YIPF1: variants seen among roughly 807,000 people sequenced by gnomAD.
The protein encoded by YIPF1 is Yip1 domain family member 1.
YIPF1 carries 22 observed loss-of-function variants against 37.0 expected under a neutral mutation model. That is an observed-to-expected ratio of 0.59 (90% confidence interval 0.42 to 0.85). The LOEUF is 0.85. Among genes scored for constraint, YIPF1 ranks in the 40% least tolerant of loss-of-function variants. The pLI is 0.00. For synonymous variants in YIPF1, 128 were observed against 131.9 expected (o/e 0.97, Z 0.21); for missense variants, 355 against 373.1 (o/e 0.95, Z 0.40).
intron 3 of YIPF1, among the ~76,000 whole-genome samples, chr1:53,885,328 A>G (rs1351162270): frequency 6.6e-6 from 1 of 152,234 alleles, no homozygotes; most frequent in Non-Finnish European, 1.5e-5. Flanking sequence ...AAAAAGCAGT[A>G]GTTAAAATAA....
intron 3 of YIPF1, among the ~76,000 whole-genome samples, chr1:53,883,582 T>C (rs1214098052): frequency 6.6e-6 from 1 of 152,196 alleles, no homozygotes; most frequent in Non-Finnish European, 1.5e-5. Context: ...TTCATCTGTA[T>C]CATGGGGAGA....
chr1:53,889,142 T>C, intron 2 of YIPF1, 102 bp downstream of exon 2: 1 of 462,310 alleles, frequency 2.2e-6, no homozygotes, highest in Non-Finnish European at 3.9e-6. Flanking sequence ...TCAGGTATTA[T>C]TAAATATTAA....
chr1:53,876,866 C>G (rs1168056101), intron 6 of YIPF1, among the ~76,000 whole-genome samples: 1 of 152,188 alleles, frequency 6.6e-6, no homozygotes, highest in Non-Finnish European at 1.5e-5. Context: ...ATTGCTAACT[C>G]TGTAACTACG....
intron 6 of YIPF1, among the ~76,000 whole-genome samples, chr1:53,872,514 G>A (rs535563916): frequency 2.1e-4 from 32 of 152,224 alleles, no homozygotes; most frequent in Non-Finnish European, 3.4e-4. Flanking sequence ...GCATGATTTC[G>A]TGAACACTAT....
At chr1:53,888,378 C>T (rs978162267) in intron 3 of YIPF1, among the ~76,000 whole-genome samples, 2 of 152,100 alleles carry the variant, frequency 1.3e-5, no homozygotes. Context: ...AATACATGTC[C>T]CCCTCACTAG....
In YIPF1 at chr1:53,871,714, G is replaced by A. The variant is rs2272927; in HGVS notation, c.365-226C>T. Among the ~76,000 whole-genome samples the A allele has an allele frequency of 5.7e-4, 87 of 152,046 alleles. No homozygotes were observed. The East Asian group carries it at 0.016, about 27-fold the overall frequency. On this transcript the variant is annotated intron_variant, in intron 6 of 10. Coordinates refer to ENST00000072644, the MANE Select transcript of YIPF1 (RefSeq NM_018982.5). ...GGGGTGTTGGTACTCCAATCCAAAG[G>A]CCAAAACGCCTTCCACAATTAGGTG...
intron 3 of YIPF1, chr1:53,886,787 T>G (rs934197202): frequency 6.6e-6 from 1 of 152,002 alleles, no homozygotes; most frequent in African/African-American, 2.4e-5. Flanking sequence ...GTCTTTAAAC[T>G]TTCTTGCACT....
chr1:53,863,528 C>T (rs1649940093), intron 9 of YIPF1, among the ~76,000 whole-genome samples: 1 of 152,160 alleles, frequency 6.6e-6, no homozygotes, highest in African/African-American at 2.4e-5. Context: ...ATGAGGAAAC[C>T]AAGGTTCTGA....
At chr1:53,874,495 G>A (rs974051990) in intron 6 of YIPF1, among the ~76,000 whole-genome samples, 1 of 152,180 alleles carries the variant, frequency 6.6e-6, no homozygotes, top group Admixed American at 6.5e-5. Flanking sequence ...GGCCGGGCAT[G>A]GTGGTTCACA....
At chr1:53,857,508 A>C (rs1026209265) in intron 10 of YIPF1, among the ~76,000 whole-genome samples, 1 of 152,184 alleles carries the variant, frequency 6.6e-6, no homozygotes, top group Non-Finnish European at 1.5e-5. Context: ...TGTCTAAAAA[A>C]TGGGAAAGTG....
intron 3 of YIPF1, among the ~76,000 whole-genome samples, chr1:53,888,236 C>CAAAA (rs1203656378): frequency 6.6e-6 from 1 of 151,972 alleles, no homozygotes; most frequent in African/African-American, 2.4e-5. Flanking sequence ...AAGAAACAAA[C>CAAAA]AAACAAACAA....
chr1:53,887,233 C>T (rs1048718437), intron 3 of YIPF1, among the ~76,000 whole-genome samples: 1 of 151,968 alleles, frequency 6.6e-6, no homozygotes, highest in Non-Finnish European at 1.5e-5. Context: ...GCGTGCACCA[C>T]CATGCCCAGC....
At chr1:53,865,786 AT>A (rs1012700731) in intron 9 of YIPF1, among the ~76,000 whole-genome samples, 12 of 151,426 alleles carry the variant, frequency 7.9e-5, no homozygotes, top group South Asian at 2.1e-4. Context: ...CATAGAATCA[AT>A]TTTTTTTTCT....
At position 53,889,752 on chromosome 1, in the gene YIPF1, G is replaced by C. The variant is rs1303254076; in HGVS notation, c.-309C>G. 6.6e-6 allele frequency: 1 copy of C among 152,312 alleles called. No individual in the cohort carries two copies. Among genetic ancestry groups the C allele is most frequent in the Non-Finnish European group, 1.5e-5 (1 of 68,108 alleles). 9.4% of individuals were successfully genotyped at this position (152,312 alleles called of 1,614,324 possible). On this transcript the variant is annotated 5_prime_UTR_variant, in exon 1 of 11. Coordinates refer to ENST00000072644, the MANE Select transcript of YIPF1 (RefSeq NM_018982.5). ...CGTCCCCCGGGTCCCGAGAAGGCTC[G>C]GGCCTCAGTTGCTCCGCGCCGGTTT... is the stretch of plus-strand genomic sequence containing the variant.
chr1:53,889,301 G>A lies in YIPF1; in HGVS notation c.-107C>T. The A allele has an allele frequency of 5.1e-6, 1 of 194,400 alleles. No individual in the cohort carries two copies. The highest frequency in any genetic ancestry group is 1.1e-5 in the Non-Finnish European group (1 of 92,766). 12.0% of individuals were successfully genotyped at this position (194,400 alleles called of 1,614,324 possible). A position where few individuals can be genotyped will look rare whatever the true frequency, so the allele number is the denominator to read the frequency against. ...GAGATGTAACGATGAGGAAGGAGAG[G>A]CTGAGGTTTGAAAGAGGTGATGGGG... On this transcript the variant is annotated 5_prime_UTR_variant, in exon 2 of 11. Transcript: ENST00000072644.
intron 6 of YIPF1, among the ~76,000 whole-genome samples, chr1:53,876,955 A>C (rs1046054557): frequency 1.1e-4 from 17 of 152,310 alleles, no homozygotes; most frequent in African/African-American, 4.1e-4. Context: ...AAATAGCATA[A>C]AATACTAAAA....
At chr1:53,860,464 C>A (rs1649840264) in intron 9 of YIPF1, among the ~76,000 whole-genome samples, 1 of 152,206 alleles carries the variant, frequency 6.6e-6, no homozygotes, top group African/African-American at 2.4e-5. Context: ...GAGAGACTGT[C>A]ATTTGATCAG....
chr1:53,884,909 C>G (rs1569657874), intron 3 of YIPF1, among the ~76,000 whole-genome samples: 1 of 152,210 alleles, frequency 6.6e-6, no homozygotes, highest in South Asian at 2.1e-4. Flanking sequence ...GCTGAGTTCA[C>G]TCTTATTGCC....
intron 4 of YIPF1, among the ~76,000 whole-genome samples, chr1:53,879,922 C>T (rs12743572): frequency 0.01 from 1,549 of 152,128 alleles, 11 homozygotes; most frequent in Admixed American, 0.018. Flanking sequence ...AGGAGCAGCA[C>T]GGAGACAAAG....
Sources: allele counts gnomAD v4.1 joint callset (sites outside exome capture counted in the v4.1 genomes callset), GRCh38; gene constraint gnomAD v4.1.1; transcripts MANE v1.5; gene names NCBI Gene and HGNC (gene_info 2026-07-23, HGNC 2026-07-21).